Variants in ALMS1 observed in about 807,000 individuals in gnomAD.
ALMS1 encodes ALMS1 centrosome and basal body associated protein, also known as centrosome-associated protein ALMS1.
ALMS1 carries 271 observed loss-of-function variants against 352.2 expected under a neutral mutation model. That is an observed-to-expected ratio of 0.77 (90% CI 0.70 to 0.85). ALMS1 has a LOEUF of 0.85. ALMS1 is among the 40% of genes least tolerant of loss of function. The pLI, the probability that ALMS1 is intolerant of heterozygous loss-of-function variation, is 0.00. For missense variants in ALMS1, 5,445 were observed against 4,870.7 expected (o/e 1.12, Z -3.51); for synonymous variants, 1,865 against 1,761.2 (o/e 1.06, Z -1.48).
intron 9 of ALMS1, among the ~76,000 whole-genome samples, chr2:73,464,911 G>C (rs1672296596): frequency 6.6e-6 from 1 of 152,146 alleles, no homozygotes; most frequent in Non-Finnish European, 1.5e-5. Flanking sequence ...CTTCTTCAAG[G>C]AGAACTACAA....
rs555398750 is a variant in ALMS1, at chr2:73,559,095, A to G, written c.10337A>G (p.Glu3446Gly). The change falls in exon 15 of 23, where the codon GAG becomes GGG. Residue 3446 changes from glutamate (E) to glycine (G), a missense_variant. Glu to Gly is a moderately conservative substitution (Grantham distance 98). Transcript: ENST00000613296. The part of the protein sequence containing the change: ...EEIHRKKTVP[E>G]EAWPNNKESL... ...ATCCATAGGAAGAAGACAGTTCCCG[A>G]GGAAGCCTGGCCAAACAATAAAGAA... The G allele has an allele frequency of 9.9e-6, 16 of 1,614,002 alleles. No homozygotes were observed. The South Asian group carries it at 1.8e-4, about 18-fold the overall frequency.
chr2:73,387,860 A>G (rs1421810244), intron 1 of ALMS1, among the ~76,000 whole-genome samples: 1 of 152,164 alleles, frequency 6.6e-6, no homozygotes, highest in East Asian at 1.9e-4. Flanking sequence ...GGAATAGGGA[A>G]GTGTTGGTGG....
chr2:73,502,917 A>G (rs1673245956), intron 10 of ALMS1, among the ~76,000 whole-genome samples: 1 of 152,196 alleles, frequency 6.6e-6, no homozygotes, highest in Middle Eastern at 3.4e-3. Flanking sequence ...CTCCTTAGTT[A>G]TTTGGGAATA....
intron 11 of ALMS1, among the ~76,000 whole-genome samples, chr2:73,521,075 G>T (rs934022782): frequency 2.0e-5 from 3 of 152,100 alleles, no homozygotes; most frequent in Admixed American, 1.3e-4. Flanking sequence ...TTGAATTTAA[G>T]TAAGTGCATT....
At chr2:73,518,862 T>A (rs191033248) in intron 10 of ALMS1, among the ~76,000 whole-genome samples, 92 of 152,296 alleles carry the variant, frequency 6.0e-4, no homozygotes, top group Middle Eastern at 6.8e-3. Context: ...TTTCTTCCAT[T>A]CTATAGGTTG....
intron 14 of ALMS1, among the ~76,000 whole-genome samples, 196 bp downstream of exon 14, chr2:73,557,550 A>T (rs1436760984): frequency 6.6e-6 from 1 of 152,212 alleles, no homozygotes; most frequent in East Asian, 1.9e-4. Flanking sequence ...TAAAATTAAC[A>T]TATTTAAAGT....
At chr2:73,435,113 TTCAACCTATTTG>T (rs1671581067) in intron 7 of ALMS1, among the ~76,000 whole-genome samples, 1 of 152,254 alleles carries the variant, frequency 6.6e-6, no homozygotes, top group Non-Finnish European at 1.5e-5. Context: ...TCCCTCTACT[TTCAACCTATTTG>T]TATTATCAAA....
At chr2:73,518,724 C>A (rs143514366) in intron 10 of ALMS1, among the ~76,000 whole-genome samples, 43 of 152,174 alleles carry the variant, frequency 2.8e-4, no homozygotes, top group African/African-American at 9.9e-4. Flanking sequence ...TGATATTGAG[C>A]TTTTTTCATA....
rs759463622 is a variant in ALMS1, at chr2:73,572,370, A to G, written c.10493A>G (p.His3498Arg). The change falls in exon 16 of 23, where the codon CAT (histidine) becomes CGT (arginine). Residue 3498 changes from histidine (H) to arginine (R), a missense_variant. By Grantham distance (29) the His-to-Arg change is conservative. Coordinates refer to ENST00000613296, the MANE Select transcript of ALMS1 (RefSeq NM_001378454.1). ...VHLPSDQDIC[H>R]ESLGKSVFMR... ...CTACCAAGTGATCAAGATATTTGCC[A>G]TGAATCTTTGGGAAAGAGTGTTTTC... 1.9e-6 allele frequency: 3 copies of G among 1,609,324 alleles called. No homozygotes were observed. The highest frequency in any genetic ancestry group is 2.5e-6 in the Non-Finnish European group (3 of 1,178,260).
intron 9 of ALMS1, among the ~76,000 whole-genome samples, chr2:73,468,451 C>A (rs945169030): frequency 6.6e-6 from 1 of 151,972 alleles, no homozygotes; most frequent in South Asian, 2.1e-4. Flanking sequence ...TAAGTACATT[C>A]ATATTGTTGT....
chr2:73,395,076 ATATTT>A (rs1476340053), intron 1 of ALMS1, among the ~76,000 whole-genome samples: 1,315 of 108,240 alleles, frequency 0.012, 75 homozygotes, highest in African/African-American at 0.054. Context: ...ATATATATAT[ATATTT>A]TTTTTTTTTT....
chr2:73,413,316 CTTGT>C lies in ALMS1; in HGVS notation c.450+4572_450+4575del, dbSNP rs112462977. On this transcript the variant is annotated intron_variant, in intron 2 of 22. Coordinates refer to ENST00000613296, the MANE Select transcript of ALMS1 (RefSeq NM_001378454.1). The stretch of plus-strand genomic sequence containing the variant: ...GGCAGAAGTTTTAATTTTGATGAAA[CTTGT>C]TTATTGATTTTTTTTCCTTTTTTGG... Among the ~76,000 whole-genome samples, 1,283 of 152,168 alleles carry C rather than the reference CTTGT, an allele frequency of 8.4e-3. 16 individuals carry two copies. Among genetic ancestry groups the C allele is most frequent in the African/African-American group, 0.03 (1,228 of 41,516 alleles).
Position 73,519,541 on chromosome 2 carries a change from A to T in ALMS1, c.9540-234A>T, listed in dbSNP as rs114800454. ...TTTCCTCAACTAAATTATATAATTT[A>T]ACATTCTAAATTAAAAGTAGGTTTT... On this transcript the variant is annotated intron_variant, in intron 10 of 22. Transcript: ENST00000613296. Among the ~76,000 whole-genome samples, 2,158 of 152,338 alleles carry T rather than the reference A, an allele frequency of 0.014. 46 individuals carry two copies. The highest frequency in any genetic ancestry group is 0.05 in the African/African-American group (2,066 of 41,568).
At chr2:73,603,500 G>C (rs1247705093) in intron 21 of ALMS1, 196 bp downstream of exon 21, 2 of 583,418 alleles carry the variant, frequency 3.4e-6, no homozygotes, top group Non-Finnish European at 3.1e-6. Context: ...ATATGCAAAA[G>C]ATGAAAAACT....
chr2:73,417,487 G>T (rs971773803), intron 2 of ALMS1, among the ~76,000 whole-genome samples: 65 of 152,172 alleles, frequency 4.3e-4, no homozygotes, highest in Non-Finnish European at 8.1e-4. Context: ...CCATATATGT[G>T]TGAAAATGTT....
Position 73,452,110 on chromosome 2 carries a change from T to G in ALMS1, c.5583T>G (p.Tyr1861Ter), listed in dbSNP as rs745677541. ...YPQREHSVISYEQELPDLTEV... is the reference protein window; with the variant it reads ...YPQREHSVIS ...AGAGAGAGCACTCTGTCATTTCTTA[T>G]GAGCAGGAGTTGCCAGATCTTACTG... Residue 1861 changes from tyrosine (Y) to a stop codon, truncating the protein, a stop_gained, in exon 8 of 23, where the codon TAT becomes TAG. Coordinates refer to ENST00000613296, the MANE Select transcript of ALMS1 (RefSeq NM_001378454.1). LOFTEE classifies it high-confidence loss of function. The G allele has an allele frequency of 1.2e-6, 2 of 1,613,836 alleles. No individual in the cohort carries two copies. Among genetic ancestry groups the G allele is most frequent in the South Asian group, 1.1e-5 (1 of 91,048 alleles).
intron 9 of ALMS1, among the ~76,000 whole-genome samples, chr2:73,484,940 A>G (rs900282418): frequency 6.6e-6 from 1 of 152,150 alleles, no homozygotes; most frequent in Non-Finnish European, 1.5e-5. Flanking sequence ...TCCTTTAAGC[A>G]CTTCTCTGTA....
At chr2:73,457,124 A>C (rs1672082008) in intron 9 of ALMS1, 3 of 152,232 alleles carry the variant, frequency 2.0e-5, no homozygotes, top group Admixed American at 2.0e-4. Context: ...TACTGCTTTC[A>C]AAACTTAAAG....
At chr2:73,502,844 G>A (rs961684465) in intron 10 of ALMS1, among the ~76,000 whole-genome samples, 18 of 152,088 alleles carry the variant, frequency 1.2e-4, no homozygotes, top group African/African-American at 4.3e-4. Flanking sequence ...GGAGTATTTT[G>A]TGGGGAGGGG....
Sources: gnomAD v4.1 joint callset for allele counts (sites outside exome capture counted in the v4.1 genomes callset) on GRCh38, gnomAD v4.1.1 for gene constraint, MANE v1.5 for transcripts, NCBI Gene and HGNC (gene_info 2026-07-23, HGNC 2026-07-21) for gene names.